The following KMO variants were observed in gnomAD, a reference collection of about 807,000 sequenced individuals.
The protein encoded by KMO is kynurenine 3-monooxygenase.
KMO carries 24 observed loss-of-function variants against 57.8 expected under a neutral mutation model. The ratio of observed to expected loss-of-function variants is 0.42; its 90% confidence interval spans 0.30 to 0.58. The LOEUF (loss-of-function observed/expected upper bound fraction) is 0.58. Among genes scored for constraint, KMO ranks in the 20% least tolerant of loss-of-function variants. The pLI is 0.22. For missense variants in KMO, 483 were observed against 588.2 expected (o/e 0.82, Z 1.85); for synonymous variants, 210 against 193.6 (o/e 1.08, Z -0.70).
At chr1:241,574,531 G>GTT (rs1258447924) in intron 10 of KMO, among the ~76,000 whole-genome samples, 4 of 42,166 alleles carry the variant, frequency 9.5e-5, no homozygotes, top group Non-Finnish European at 9.7e-5. Flanking sequence ...ATGATCATAT[G>GTT]GTTTTTTTTT....
chr1:241,580,179 G>T (rs1662696404), intron 10 of KMO, among the ~76,000 whole-genome samples: 1 of 152,022 alleles, frequency 6.6e-6, no homozygotes, highest in Admixed American at 6.6e-5. Flanking sequence ...TCTTTTAAAG[G>T]GTCTTATGGT....
At chr1:241,562,918 AGAAG>A (rs1247479944) in intron 7 of KMO, among the ~76,000 whole-genome samples, 1 of 25,286 alleles carries the variant, frequency 4.0e-5, no homozygotes, top group African/African-American at 1.8e-4. Flanking sequence ...AAGGAAGGAA[AGAAG>A]GAAGGAAGGA....
intron 10 of KMO, among the ~76,000 whole-genome samples, chr1:241,576,146 T>C (rs939209354): frequency 2.0e-5 from 3 of 151,994 alleles, no homozygotes; most frequent in Non-Finnish European, 2.9e-5. Context: ...TGAGTTTGTG[T>C]GAGTCCTATG....
intron 4 of KMO, among the ~76,000 whole-genome samples, chr1:241,552,003 T>C (rs1339937656): frequency 8.5e-6 from 1 of 118,304 alleles, no homozygotes; most frequent in Admixed American, 1.0e-4. Flanking sequence ...ACAAGGAATG[T>C]CCTGAGGAAG....
chr1:241,568,415 T>C lies in KMO; in HGVS notation c.810-85T>C, dbSNP rs528951263. 6.7e-4 allele frequency: 891 copies of C among 1,320,796 alleles called. 1 individual carries two copies. The highest frequency in any genetic ancestry group is 8.9e-4 in the Non-Finnish European group (835 of 939,686). 81.8% of individuals were successfully genotyped at this position (1,320,796 alleles called of 1,614,324 possible). A position where few individuals can be genotyped will look rare whatever the true frequency, so the allele number is the denominator to read the frequency against. Reference sequence around the variant, plus strand: ...CTTGTTTTTCAACAAAACTTCGTGATAGTTAATTTAGTAAACCTGAAAGAA... The same window carrying C: ...CTTGTTTTTCAACAAAACTTCGTGACAGTTAATTTAGTAAACCTGAAAGAA... On this transcript the variant is annotated intron_variant, in intron 9 of 14. Transcript: ENST00000366559.
intron 1 of KMO, among the ~76,000 whole-genome samples, chr1:241,533,995 G>A (rs975126337): frequency 6.6e-6 from 1 of 152,256 alleles, no homozygotes. Context: ...AGAAAGAAAG[G>A]CAGGAACTGC....
chr1:241,575,003 T>C (rs1283438770), intron 10 of KMO, among the ~76,000 whole-genome samples: 2 of 152,074 alleles, frequency 1.3e-5, no homozygotes, highest in East Asian at 1.9e-4. Flanking sequence ...AGAAGTTTTG[T>C]ACATGTCTAG....
chr1:241,557,586 T>TTG, intron 5 of KMO, among the ~76,000 whole-genome samples: 1 of 152,298 alleles, frequency 6.6e-6, no homozygotes, highest in East Asian at 1.9e-4. Flanking sequence ...TTTCCTTAGT[T>TTG]ATATTTGTCA....
intron 10 of KMO, among the ~76,000 whole-genome samples, chr1:241,581,288 T>C (rs1337496571): frequency 1.3e-5 from 2 of 152,272 alleles, no homozygotes; most frequent in East Asian, 1.9e-4. Flanking sequence ...CCAACTGCTC[T>C]ATGTATTTTT....
rs73136871 is a variant in KMO at position 241,578,625 on chromosome 1, C to G, written c.958-8054C>G. On this transcript the variant is annotated intron_variant, in intron 10 of 14. Coordinates refer to ENST00000366559, the MANE Select transcript of KMO (RefSeq NM_003679.5). ...GGGGAGTGACATAGACTCTGTGATT[C>G]CTTGGCTATAAATAGGCTTAGTGTG... Among the ~76,000 whole-genome samples the G allele has an allele frequency of 8.2e-3, 1,251 of 152,198 alleles. 17 individuals are homozygous for G. The highest frequency in any genetic ancestry group is 0.029 in the African/African-American group (1,191 of 41,542).
At chr1:241,567,315 C>T (rs188044568) in intron 9 of KMO, among the ~76,000 whole-genome samples, 1 of 152,178 alleles carries the variant, frequency 6.6e-6, no homozygotes, top group Non-Finnish European at 1.5e-5. Context: ...CTAGCAGATT[C>T]GGTGTCTGGT....
Position 241,549,266 on chromosome 1 carries a change from A to ACGGAAAGAAAGAAAGG in KMO, c.124+368_124+369insCGGAAAGAAAGAAAGG, listed in dbSNP as rs1553346361. Among the ~76,000 whole-genome samples the ACGGAAAGAAAGAAAGG allele has an allele frequency of 2.5e-4, 29 of 117,544 alleles. 2 individuals are homozygous for ACGGAAAGAAAGAAAGG. The highest frequency in any genetic ancestry group is 3.6e-4 in the African/African-American group (11 of 30,294). 77.1% of individuals were successfully genotyped at this position (117,544 alleles called of 152,430 possible). On this transcript the variant is annotated intron_variant, in intron 2 of 14. Coordinates refer to ENST00000366559, the MANE Select transcript of KMO (RefSeq NM_003679.5). ...GAAAGAAAGAAAGAAAGAAAGAAAG[A>ACGGAAAGAAAGAAAGG]AAGGAAGGAAGAAAGAAAGAAAGGA...
chr1:241,548,475 A>G (rs979165597), intron 1 of KMO, among the ~76,000 whole-genome samples: 1 of 151,982 alleles, frequency 6.6e-6, no homozygotes, highest in Middle Eastern at 3.2e-3. Context: ...TTTTGACCAA[A>G]GTAGTGGTTA....
At chr1:241,569,223 T>A (rs983881992) in intron 10 of KMO, among the ~76,000 whole-genome samples, 3 of 152,132 alleles carry the variant, frequency 2.0e-5, no homozygotes, top group Non-Finnish European at 4.4e-5. Flanking sequence ...AAATTATTGT[T>A]AACCACATTC....
intron 9 of KMO, among the ~76,000 whole-genome samples, chr1:241,567,341 G>T (rs1237353710): frequency 1.3e-5 from 2 of 152,168 alleles, no homozygotes; most frequent in African/African-American, 2.4e-5. Flanking sequence ...CCCACTTCTT[G>T]GTTCATAGAT....
intron 10 of KMO, among the ~76,000 whole-genome samples, chr1:241,584,154 G>A (rs647204): frequency 0.16 from 23,165 of 142,066 alleles, 2,612 homozygotes; most frequent in African/African-American, 0.3. Flanking sequence ...GACAGCCCCC[G>A]GTGTGTGATG....
At position 241,566,563 on chromosome 1, in the gene KMO, G is replaced by C. The variant is rs761201360; in HGVS notation, c.760G>C (p.Val254Leu). The change falls in exon 9 of 15, where the codon GTA (valine) becomes CTA (leucine). Residue 254 changes from valine (V) to leucine (L), a missense_variant. Transcript: ENST00000366559. Reference sequence around the variant, plus strand: ...AAAACTTCTAACCAGTAATGATGTGGTAGATTTCTTCCAGAAATACTTTCC... The same window carrying C: ...AAAACTTCTAACCAGTAATGATGTGCTAGATTTCTTCCAGAAATACTTTCC... ...FEKLLTSNDVVDFFQKYFPDA... is the reference protein window; with the variant it reads ...FEKLLTSNDVLDFFQKYFPDA... The C allele has an allele frequency of 3.7e-6, 6 of 1,613,498 alleles. No homozygotes were observed. In the South Asian group the frequency reaches 6.6e-5, roughly 18 times the overall value.
intron 9 of KMO, among the ~76,000 whole-genome samples, chr1:241,567,925 C>G (rs372501280): frequency 6.6e-6 from 1 of 152,156 alleles, no homozygotes; most frequent in African/African-American, 2.4e-5. Context: ...AGATGCTTTA[C>G]AAATATTAGG....
At chr1:241,583,204 C>A (rs115400029) in intron 10 of KMO, among the ~76,000 whole-genome samples, 2 of 151,888 alleles carry the variant, frequency 1.3e-5, no homozygotes, top group African/African-American at 4.8e-5. Flanking sequence ...CACAAGCACT[C>A]CTGTGGCCAC....
Sources: gnomAD v4.1 joint callset for allele counts (sites outside exome capture counted in the v4.1 genomes callset) on GRCh38, gnomAD v4.1.1 for gene constraint, MANE v1.5 for transcripts, NCBI Gene and HGNC (gene_info 2026-07-23, HGNC 2026-07-21) for gene names.